Variants in FHIT observed in about 807,000 individuals in gnomAD.
The protein encoded by FHIT is fragile histidine triad diadenosine triphosphatase.
Under a neutral mutation model 17.9 loss-of-function variants are expected in FHIT, and 19 were observed. That is an observed-to-expected ratio of 1.06 (90% confidence interval 0.74 to 1.56). The LOEUF (loss-of-function observed/expected upper bound fraction) is 1.56. FHIT is among the 40% of genes most tolerant of loss of function. The probability of loss-of-function intolerance (pLI) is 0.00; values close to 1 mark genes in which losing one functional copy is unlikely to be tolerated. For synonymous variants in FHIT, 81 were observed against 69.7 expected, an observed-to-expected ratio of 1.16 and a Z score of -0.81; for missense variants, 248 against 189.2, an observed-to-expected ratio of 1.31 and a Z score of -1.82.
intron 5 of FHIT, among the ~76,000 whole-genome samples, chr3:60,441,755 A>T (rs2594244): frequency 0.91 from 87,814 of 96,368 alleles, 40,148 homozygotes; most frequent in Non-Finnish European, 0.96. Context: ...TATATATATA[A>T]AAATATATAT....
chr3:59,889,281 T>G (rs1200186005), intron 8 of FHIT, among the ~76,000 whole-genome samples: 1 of 152,364 alleles, frequency 6.6e-6, no homozygotes, highest in South Asian at 2.1e-4. Flanking sequence ...TAATTCATAC[T>G]GTCTGACATC....
chr3:60,159,716 G>C (rs1700854116), intron 5 of FHIT, among the ~76,000 whole-genome samples: 1 of 152,118 alleles, frequency 6.6e-6, no homozygotes, highest in Non-Finnish European at 1.5e-5. Context: ...GTAGATGCTA[G>C]AATTATCCCC....
intron 2 of FHIT, among the ~76,000 whole-genome samples, chr3:61,167,606 G>A (rs1256373841): frequency 2.8e-5 from 4 of 143,844 alleles, no homozygotes; most frequent in South Asian, 4.4e-4. Context: ...TCCAGCCTGG[G>A]CAGCAGAGTG....
chr3:60,436,196 C>T (rs779086472), intron 5 of FHIT, among the ~76,000 whole-genome samples: 19 of 151,930 alleles, frequency 1.3e-4, no homozygotes, highest in South Asian at 6.2e-4. Flanking sequence ...TACAGGTATG[C>T]GCCACCACAT....
Position 60,853,891 on chromosome 3 carries a change from T to C in FHIT, c.-110-31880A>G, listed in dbSNP as rs113932315. Among the ~76,000 whole-genome samples, 1,256 of 152,272 alleles carry C rather than the reference T, an allele frequency of 8.2e-3. 21 individuals carry two copies. Among genetic ancestry groups the C allele is most frequent in the African/African-American group, 0.029 (1,206 of 41,550 alleles). ...CAAAAACACCTGATTTTTCCCAAGA[T>C]TTGTTAAACATAGTCCCTTTGGTGT... On this transcript the variant is annotated intron_variant, in intron 3 of 9. Transcript: ENST00000492590.
intron 8 of FHIT, among the ~76,000 whole-genome samples, chr3:59,779,616 C>T (rs200327033): frequency 6.9e-6 from 1 of 145,100 alleles, no homozygotes; most frequent in Non-Finnish European, 1.5e-5. Flanking sequence ...AGTTACACTA[C>T]CCAAATATGT....
In FHIT at chr3:60,491,096, A is replaced by C. The variant is rs192839398; in HGVS notation, c.103+45764T>G. Among the ~76,000 whole-genome samples the C allele has an allele frequency of 1.9e-3, 290 of 152,328 alleles. 1 individual carries two copies. The highest frequency in any genetic ancestry group is 6.7e-3 in the African/African-American group (280 of 41,578). Reference sequence around the variant, plus strand: ...AAACCCACAAAACCAAATGGTGCTGAGTTGTGCATTAGAAACAGGTTAAAA... The same window carrying C: ...AAACCCACAAAACCAAATGGTGCTGCGTTGTGCATTAGAAACAGGTTAAAA... On this transcript the variant is annotated intron_variant, in intron 5 of 9. Coordinates refer to ENST00000492590, the MANE Select transcript of FHIT (RefSeq NM_002012.4).
chr3:60,670,238 C>T (rs2040477297), intron 4 of FHIT, among the ~76,000 whole-genome samples: 1 of 152,142 alleles, frequency 6.6e-6, no homozygotes, highest in South Asian at 2.1e-4. Flanking sequence ...GACTGTAATT[C>T]TTCCAACTCT....
chr3:60,708,809 T>A lies in FHIT; in HGVS notation c.-18+113110A>T, dbSNP rs1487168678. Among the ~76,000 whole-genome samples the A allele has an allele frequency of 2.0e-5, 3 of 152,010 alleles. No individual in the cohort carries two copies. In the East Asian group the frequency reaches 5.8e-4, roughly 29 times the overall value. ...GAAAATGTTTTTGTGGACAAAAGAG[T>A]TTGGGAAAGAGTGATATTGGAATGA... is the stretch of plus-strand genomic sequence containing the variant. On this transcript the variant is annotated intron_variant, in intron 4 of 9. Transcript: ENST00000492590.
At chr3:60,945,723 G>A (rs892396334) in intron 3 of FHIT, among the ~76,000 whole-genome samples, 1 of 152,160 alleles carries the variant, frequency 6.6e-6, no homozygotes, top group South Asian at 2.1e-4. Flanking sequence ...ATGGATACAG[G>A]TAGGCTTGTA....
intron 3 of FHIT, among the ~76,000 whole-genome samples, chr3:60,968,258 T>C (rs573820106): frequency 1.3e-5 from 2 of 152,342 alleles, no homozygotes; most frequent in African/African-American, 2.4e-5. Context: ...CGTCACCTTG[T>C]GGCTTGTTAA....
At chr3:59,901,860 A>G (rs7643424) in intron 8 of FHIT, among the ~76,000 whole-genome samples, 9,092 of 152,322 alleles carry the variant, frequency 0.06, 633 homozygotes, top group African/African-American at 0.17. Flanking sequence ...ACGATTATTC[A>G]TAAGAAGCAA....
intron 4 of FHIT, among the ~76,000 whole-genome samples, chr3:60,624,295 G>A (rs527605729): frequency 9.6e-4 from 146 of 152,318 alleles, no homozygotes; most frequent in African/African-American, 3.3e-3. Context: ...GCCATGCTGA[G>A]CAGCTTGGGC....
chr3:60,426,022 C>G (rs760913463), intron 5 of FHIT, among the ~76,000 whole-genome samples: 3 of 152,106 alleles, frequency 2.0e-5, no homozygotes, highest in Non-Finnish European at 4.4e-5. Flanking sequence ...CAAGGCCTCA[C>G]ACAAGTCATG....
intron 2 of FHIT, among the ~76,000 whole-genome samples, chr3:61,200,298 T>A (rs17064628): frequency 0.079 from 12,100 of 152,282 alleles, 1,130 homozygotes; most frequent in East Asian, 0.4. Context: ...TGGCCAGAAG[T>A]GGTACAAGTG....
chr3:60,709,896 A>G (rs1716727), intron 4 of FHIT, among the ~76,000 whole-genome samples: 26,753 of 152,074 alleles, frequency 0.18, 2,544 homozygotes, highest in Non-Finnish European at 0.21. Flanking sequence ...TTGAGTTTGC[A>G]TAATTATAGT....
chr3:60,731,694 T>A (rs1453646220), intron 4 of FHIT, among the ~76,000 whole-genome samples: 1 of 152,160 alleles, frequency 6.6e-6, no homozygotes, highest in Non-Finnish European at 1.5e-5. Flanking sequence ...CGCACCCACC[T>A]CCTGAGATCT....
chr3:61,006,653 C>A (rs1406190694), intron 3 of FHIT, among the ~76,000 whole-genome samples: 1 of 150,574 alleles, frequency 6.6e-6, no homozygotes, highest in African/African-American at 2.4e-5. Context: ...AACTGCATCA[C>A]ACTTTTAAAT....
At chr3:60,953,520 G>C (rs2107466597) in intron 3 of FHIT, among the ~76,000 whole-genome samples, 1 of 152,202 alleles carries the variant, frequency 6.6e-6, no homozygotes, top group African/African-American at 2.4e-5. Context: ...ATTCTGTCAA[G>C]TAACATTTAC....
Sources: allele counts gnomAD v4.1 joint callset (sites outside exome capture counted in the v4.1 genomes callset), GRCh38; gene constraint gnomAD v4.1.1; transcripts MANE v1.5; gene names NCBI Gene and HGNC (gene_info 2026-07-23, HGNC 2026-07-21).